PHACTR3: variants seen among roughly 807,000 people sequenced by gnomAD.
The protein encoded by PHACTR3 is phosphatase and actin regulator 3.
A neutral mutation model predicts 66.8 loss-of-function variants in PHACTR3; 16 were observed. The ratio of observed to expected loss-of-function variants is 0.24; its 90% CI spans 0.16 to 0.36. The LOEUF (loss-of-function observed/expected upper bound fraction) is 0.36. Among genes scored for constraint, PHACTR3 ranks in the 10% least tolerant of loss-of-function variants. The pLI is 1.00. For missense variants in PHACTR3, 647 were observed against 719.9 expected, an observed-to-expected ratio of 0.90 and a Z score of 1.16; for synonymous variants, 323 against 292.1, an observed-to-expected ratio of 1.11 and a Z score of -1.08.
chr20:59,717,262 G>A (rs1044846195), intron 1 of PHACTR3, among the ~76,000 whole-genome samples: 3 of 152,176 alleles, frequency 2.0e-5, no homozygotes, highest in Non-Finnish European at 2.9e-5. Context: ...AGCACTGGGT[G>A]ACTTTTTTAA....
At chr20:59,828,601 G>A (rs922071097) in intron 8 of PHACTR3, among the ~76,000 whole-genome samples, 14 of 152,202 alleles carry the variant, frequency 9.2e-5, no homozygotes, top group Middle Eastern at 3.4e-3. Context: ...GTGGGGCTGC[G>A]GACCCGTGTG....
intron 1 of PHACTR3, among the ~76,000 whole-genome samples, chr20:59,664,596 C>T (rs1243124455): frequency 6.6e-6 from 1 of 152,232 alleles, no homozygotes; most frequent in African/African-American, 2.4e-5. Flanking sequence ...TCCAGACATC[C>T]CCCTCCTGAT....
At chr20:59,798,458 G>C (rs765863800) in intron 7 of PHACTR3, among the ~76,000 whole-genome samples, 1 of 152,160 alleles carries the variant, frequency 6.6e-6, no homozygotes, top group Non-Finnish European at 1.5e-5. Flanking sequence ...ATGTTTTGTA[G>C]AACTCATCAG....
chr20:59,823,041 G>T (rs927232370), intron 8 of PHACTR3, among the ~76,000 whole-genome samples: 5 of 152,230 alleles, frequency 3.3e-5, no homozygotes, highest in African/African-American at 9.6e-5. Context: ...GGCAAGGCAG[G>T]CCCTGGTACC....
intron 7 of PHACTR3, among the ~76,000 whole-genome samples, chr20:59,797,859 T>C (rs1445059981): frequency 2.0e-5 from 3 of 152,142 alleles, no homozygotes; most frequent in Admixed American, 1.3e-4. Flanking sequence ...TTTTTATAAA[T>C]TGTTGGGTTT....
At chr20:59,651,113 C>A (rs2035445880) in intron 1 of PHACTR3, among the ~76,000 whole-genome samples, 1 of 152,106 alleles carries the variant, frequency 6.6e-6, no homozygotes, top group Non-Finnish European at 1.5e-5. Flanking sequence ...GTAATCCCAG[C>A]ACTTTAGGAG....
intron 1 of PHACTR3, among the ~76,000 whole-genome samples, chr20:59,642,795 T>A (rs946972378): frequency 1.3e-5 from 2 of 152,210 alleles, no homozygotes; most frequent in African/African-American, 4.8e-5. Context: ...TTGGAAACCC[T>A]TGGTGCATGA....
At chr20:59,614,249 A>G (rs1383829773) in intron 1 of PHACTR3, among the ~76,000 whole-genome samples, 3 of 152,366 alleles carry the variant, frequency 2.0e-5, no homozygotes, top group African/African-American at 7.2e-5. Context: ...GGCTCCAGCC[A>G]TCTAGCTGAC....
At chr20:59,635,170 C>T (rs867309290) in intron 1 of PHACTR3, among the ~76,000 whole-genome samples, 236 of 9,436 alleles carry the variant, frequency 0.025, no homozygotes, top group East Asian at 0.12. Flanking sequence ...TCTTTCTTTC[C>T]TTTCTTTCTT....
intron 1 of PHACTR3, among the ~76,000 whole-genome samples, chr20:59,640,775 G>A (rs140904309): frequency 0.013 from 1,916 of 152,212 alleles, 30 homozygotes; most frequent in Middle Eastern, 0.017. Flanking sequence ...GATTAGGGAG[G>A]TTGCAAAGGT....
intron 2 of PHACTR3, among the ~76,000 whole-genome samples, chr20:59,745,415 C>T (rs977460779): frequency 6.6e-6 from 1 of 152,220 alleles, no homozygotes; most frequent in African/African-American, 2.4e-5. Flanking sequence ...GCAAGATGCT[C>T]TGGGGACCCT....
intron 8 of PHACTR3, among the ~76,000 whole-genome samples, chr20:59,824,699 G>T (rs1033302129): frequency 6.6e-6 from 1 of 152,220 alleles, no homozygotes; most frequent in East Asian, 1.9e-4. Flanking sequence ...GAACTGGCAG[G>T]TTAGAGAATA....
chr20:59,632,252 T>C, intron 1 of PHACTR3, among the ~76,000 whole-genome samples: 1 of 152,306 alleles, frequency 6.6e-6, no homozygotes, highest in South Asian at 2.1e-4. Context: ...AGCCCACTCC[T>C]GTTCCTCAGT....
At chr20:59,805,302 C>T (rs536110150) in intron 7 of PHACTR3, among the ~76,000 whole-genome samples, 1 of 152,328 alleles carries the variant, frequency 6.6e-6, no homozygotes, top group South Asian at 2.1e-4. Context: ...CTGGAGTCAG[C>T]CCACCGTTAA....
intron 1 of PHACTR3, among the ~76,000 whole-genome samples, chr20:59,697,448 C>T (rs908519490): frequency 6.6e-6 from 1 of 152,200 alleles, no homozygotes; most frequent in African/African-American, 2.4e-5. Flanking sequence ...AGGCCCCTAA[C>T]AAATGTCAAA....
At chr20:59,630,075 G>A (rs1255353619) in intron 1 of PHACTR3, among the ~76,000 whole-genome samples, 1 of 152,230 alleles carries the variant, frequency 6.6e-6, no homozygotes, top group South Asian at 2.1e-4. Context: ...ACTGATTAGT[G>A]TCAATCATGA....
At chr20:59,628,770 G>A in intron 1 of PHACTR3, 1 of 985,578 alleles carries the variant, frequency 1.0e-6, no homozygotes, top group Non-Finnish European at 1.2e-6. Context: ...GGAAGGCTGG[G>A]AAGAGGACTG....
chr20:59,839,038 TAA>T (rs75920578), intron 9 of PHACTR3, among the ~76,000 whole-genome samples: 10 of 140,872 alleles, frequency 7.1e-5, no homozygotes, highest in Non-Finnish European at 7.8e-5. Context: ...TTTTCAGGAT[TAA>T]AAAAAAAAAA....
chr20:59,651,741 CT>C (rs1420419163), intron 1 of PHACTR3, among the ~76,000 whole-genome samples: 1 of 152,126 alleles, frequency 6.6e-6, no homozygotes, highest in African/African-American at 2.4e-5. Flanking sequence ...CGTGTTCTCT[CT>C]ACTCACATGG....
Sources: allele counts gnomAD v4.1 joint callset (sites outside exome capture counted in the v4.1 genomes callset), GRCh38; gene constraint gnomAD v4.1.1; transcripts MANE v1.5; gene names NCBI Gene and HGNC (gene_info 2026-07-23, HGNC 2026-07-21).